Variants in IREB2 observed in about 807,000 individuals in gnomAD.
IREB2 encodes the protein iron responsive element binding protein 2, also known as iron-responsive element-binding protein 2.
IREB2 carries 39 observed loss-of-function variants against 118.8 expected under a neutral mutation model. That is an observed-to-expected ratio of 0.33 (90% CI 0.25 to 0.43). IREB2 has a LOEUF of 0.43. IREB2 is among the 20% of genes least tolerant of loss of function. The probability of loss-of-function intolerance (pLI) is 1.00; values close to 1 mark genes in which losing one functional copy is unlikely to be tolerated. For synonymous variants in IREB2, 372 were observed against 392.2 expected (o/e 0.95, Z 0.61); for missense variants, 900 against 1,147.3 (o/e 0.78, Z 3.11).
Position 78,488,746 on chromosome 15 carries a change from T to G in IREB2, c.2051T>G (p.Phe684Cys). ...VEEEHVILSMFKALKDKIEMG... is the reference protein window; with the variant it reads ...VEEEHVILSMCKALKDKIEMG... ...GAAGAACATGTTATACTATCCATGT[T>G]TAAAGCATTAAAAGATAAAATAGAA... Residue 684 changes from phenylalanine to cysteine, a missense_variant, in exon 16 of 22, where the codon TTT becomes TGT. Transcript: ENST00000258886. 2 of 1,538,326 alleles carry G rather than the reference T, an allele frequency of 1.3e-6. No homozygotes were observed. The highest frequency in any genetic ancestry group is 2.3e-5 in the East Asian group (1 of 44,268).
rs377333863 is a variant in IREB2 at position 78,483,342 on chromosome 15, A to G, written c.1321A>G (p.Ile441Val). 9 of 1,579,708 alleles carry G rather than the reference A, an allele frequency of 5.7e-6. No individual in the cohort carries two copies. The highest frequency in any genetic ancestry group is 2.2e-5 in the South Asian group (2 of 90,302). ...GGTGATCCAGATTAATCTGAATTCA[A>G]TAGTTCCATCTGTTAGTGGTCCAAA... ...SQVIQINLNS[I>V]VPSVSGPKRP... Residue 441 changes from isoleucine to valine, a missense_variant, in exon 11 of 22, where the codon ATA (isoleucine) becomes GTA (valine). Coordinates refer to ENST00000258886, the MANE Select transcript of IREB2 (RefSeq NM_004136.4).
At chr15:78,472,027 C>G in intron 7 of IREB2, 103 bp downstream of exon 7, 2 of 799,258 alleles carry the variant, frequency 2.5e-6, no homozygotes, top group East Asian at 5.5e-5. Flanking sequence ...CTTTGAGGCT[C>G]TGTGTTTTTC....
chr15:78,476,028 C>A (rs368386849), intron 8 of IREB2, 160 bp from the exon 9 acceptor site: 3 of 474,700 alleles, frequency 6.3e-6, no homozygotes, highest in Middle Eastern at 4.9e-4. Flanking sequence ...TCTTAAAATA[C>A]CCCCAAAACC....
intron 7 of IREB2, among the ~76,000 whole-genome samples, chr15:78,472,786 G>C (rs952254315): frequency 6.6e-6 from 1 of 152,182 alleles, no homozygotes; most frequent in African/African-American, 2.4e-5. Flanking sequence ...ACTGGCCTCA[G>C]TTATCTTCTG....
intron 18 of IREB2, among the ~76,000 whole-genome samples, chr15:78,493,663 T>C (rs1017879651): frequency 2.6e-5 from 4 of 152,166 alleles, no homozygotes; most frequent in Non-Finnish European, 5.9e-5. Context: ...TGAAATGTAC[T>C]GAAAAGTATG....
At chr15:78,480,612 C>G (rs2051550864) in intron 10 of IREB2, among the ~76,000 whole-genome samples, 1 of 147,274 alleles carries the variant, frequency 6.8e-6, no homozygotes, top group South Asian at 2.1e-4. Context: ...TCGCTTGAAC[C>G]CAGAAGGCGG....
chr15:78,471,820 T>G lies in IREB2; in HGVS notation c.779T>G (p.Leu260Trp). The G allele has an allele frequency of 6.2e-7, 1 of 1,613,808 alleles. No homozygotes were observed. Residue 260 changes from leucine to tryptophan, a missense_variant, in exon 7 of 22, where the codon TTG becomes TGG. Transcript: ENST00000258886. ...GMAHQINLEYLSRVVFEEKDL... is the reference protein window; with the variant it reads ...GMAHQINLEYWSRVVFEEKDL... ...GCTCATCAAATAAACTTAGAATATT[T>G]GTCAAGAGTGGTTTTTGAAGAAAAA...
chr15:78,483,294 TTCTTTC>T lies in IREB2; in HGVS notation c.1297-15_1297-10del, dbSNP rs2051606794. The stretch of plus-strand genomic sequence containing the variant: ...GTAAGGAATTAATTCTAATTCCTTG[TTCTTTC>T]TCTTTCTCATTTCTTAGGTGATCCA... On this transcript the variant is annotated intron_variant, in intron 10 of 21. Transcript: ENST00000258886. 9.2e-7 allele frequency: 1 copy of T among 1,083,368 alleles called. No homozygotes were observed. Among genetic ancestry groups the T allele is most frequent in the Non-Finnish European group, 1.4e-6 (1 of 701,726 alleles). The allele number at this position is 1,083,368 out of a possible 1,614,324, so 67.1% of individuals were successfully genotyped here.
chr15:78,471,056 G>T (rs1436975355), intron 6 of IREB2: 1 of 152,164 alleles, frequency 6.6e-6, no homozygotes, highest in Non-Finnish European at 1.5e-5. Flanking sequence ...CTATTGCCCA[G>T]ACAGGAGTAC....
intron 5 of IREB2, among the ~76,000 whole-genome samples, chr15:78,469,329 C>T (rs1449793740): frequency 6.6e-6 from 1 of 152,050 alleles, no homozygotes; most frequent in East Asian, 1.9e-4. Flanking sequence ...GCTCAGAAAG[C>T]TGTTTTCCCT....
rs1353385407 is a variant in IREB2, at chr15:78,439,634, A to G, written c.20-161A>G. 3.9e-5 allele frequency among the ~76,000 whole-genome samples: 6 copies of G among 152,252 alleles called. No homozygotes were observed. The East Asian group carries it at 9.6e-4, about 24-fold the overall frequency. On this transcript the variant is annotated intron_variant, in intron 1 of 21. Transcript: ENST00000258886. ...CACGATAGCCACATTTCAGGTGCTC[A>G]ATAGCCACACGTTGCTAATGGCTAC...
chr15:78,483,178 GGTGTA>G (rs2051604977), intron 10 of IREB2, 135 bp from the exon 11 acceptor site: 1 of 508,150 alleles, frequency 2.0e-6, no homozygotes, highest in Non-Finnish European at 3.5e-6. Context: ...TGGGGTTGAG[GGTGTA>G]TTATACTATT....
chr15:78,491,409 A>G (rs1291194930), intron 18 of IREB2, among the ~76,000 whole-genome samples: 2 of 152,190 alleles, frequency 1.3e-5, no homozygotes, highest in Non-Finnish European at 2.9e-5. Context: ...TAGTACTGCT[A>G]CCTGATTAGC....
At chr15:78,447,000 C>T (rs542837998) in intron 2 of IREB2, among the ~76,000 whole-genome samples, 1 of 152,080 alleles carries the variant, frequency 6.6e-6, no homozygotes, top group Non-Finnish European at 1.5e-5. Flanking sequence ...AAACTTTCTT[C>T]TACATTAAAT....
chr15:78,489,152 G>A (rs2051708031), intron 16 of IREB2, among the ~76,000 whole-genome samples: 1 of 152,004 alleles, frequency 6.6e-6, no homozygotes, highest in African/African-American at 2.4e-5. Flanking sequence ...AACCTGGGAG[G>A]CGGAGGTTGC....
chr15:78,463,014 T>G lies in IREB2; in HGVS notation c.199T>G (p.Leu67Val). 1 of 1,613,550 alleles carries G rather than the reference T, an allele frequency of 6.2e-7. No homozygotes were observed. The highest frequency in any genetic ancestry group is 8.5e-7 in the Non-Finnish European group (1 of 1,179,866). Reference sequence around the variant, plus strand: ...GAAGAAGGAAGATGTTATGAACATTTTAGACTGGAAAACCAAACAAAGCAA... The same window carrying G: ...GAAGAAGGAAGATGTTATGAACATTGTAGACTGGAAAACCAAACAAAGCAA... The part of the protein sequence containing the change: ...LMKKEDVMNI[L>V]DWKTKQSNVE... The change falls in exon 3 of 22, where the codon TTA becomes GTA. Residue 67 changes from leucine to valine, a missense_variant. Transcript: ENST00000258886.
intron 10 of IREB2, 28 bp downstream of exon 10, chr15:78,478,425 CAA>C: frequency 7.6e-7 from 1 of 1,313,146 alleles, no homozygotes; most frequent in Non-Finnish European, 1.1e-6. Flanking sequence ...CACCTCGTAG[CAA>C]AGAGTGTAAA....
chr15:78,454,753 G>A (rs1305795367), intron 2 of IREB2, among the ~76,000 whole-genome samples: 1 of 152,224 alleles, frequency 6.6e-6, no homozygotes, highest in Non-Finnish European at 1.5e-5. Flanking sequence ...GAGTGCAGTG[G>A]CATGATCACG....
chr15:78,443,926 G>A (rs879736434), intron 2 of IREB2, among the ~76,000 whole-genome samples: 16 of 152,154 alleles, frequency 1.1e-4, no homozygotes, highest in African/African-American at 2.4e-4. Flanking sequence ...GATTATAGGC[G>A]TGAACCACTG....
Sources: gnomAD v4.1 joint callset for allele counts (sites outside exome capture counted in the v4.1 genomes callset) on GRCh38, gnomAD v4.1.1 for gene constraint, MANE v1.5 for transcripts, NCBI Gene and HGNC (gene_info 2026-07-23, HGNC 2026-07-21) for gene names.